Variants in CTNNA3 observed in about 807,000 individuals in gnomAD.
The protein encoded by CTNNA3 is catenin alpha 3.
Under a neutral mutation model 95.7 loss-of-function variants are expected in CTNNA3, and 76 were observed. The observed-to-expected ratio is 0.79, with a 90% CI of 0.66 to 0.96. The LOEUF (loss-of-function observed/expected upper bound fraction) is 0.96, where lower values mean the gene tolerates loss of function less well. Among genes scored for constraint, CTNNA3 ranks in the 40% least tolerant of loss-of-function variants. The pLI, the probability that CTNNA3 is intolerant of heterozygous loss-of-function variation, is 0.00. For synonymous variants in CTNNA3, 431 were observed against 374.4 expected, an observed-to-expected ratio of 1.15 and a Z score of -1.74; for missense variants, 1,191 against 1,089.8, an observed-to-expected ratio of 1.09 and a Z score of -1.31.
intron 17 of CTNNA3, among the ~76,000 whole-genome samples, chr10:65,959,133 A>C (rs1470028266): frequency 6.6e-6 from 1 of 152,178 alleles, no homozygotes; most frequent in East Asian, 1.9e-4. Context: ...CTTGCAGTTC[A>C]ATCTCAGACT....
intron 9 of CTNNA3, among the ~76,000 whole-genome samples, chr10:66,710,476 T>C (rs1226667300): frequency 7.2e-5 from 11 of 151,980 alleles, no homozygotes; most frequent in Admixed American, 7.2e-4. Flanking sequence ...ACTGCTAGAA[T>C]GATGGAATGG....
rs577817028 is a variant in CTNNA3, at chr10:66,580,114, C to T, written c.1374+41578G>A. ...TCAATGGACTGGTTCTTTTCTCTGT[C>T]TCCTCTGTTCAGCTATTGAGCCCAT... On this transcript the variant is annotated intron_variant, in intron 10 of 17. Coordinates refer to ENST00000433211, the MANE Select transcript of CTNNA3 (RefSeq NM_013266.4). 1.9e-4 allele frequency among the ~76,000 whole-genome samples: 29 copies of T among 151,650 alleles called. No individual in the cohort carries two copies. In the East Asian group the frequency reaches 2.3e-3, roughly 12 times the overall value.
chr10:65,969,646 A>C (rs1221370470), intron 16 of CTNNA3, among the ~76,000 whole-genome samples: 1 of 152,178 alleles, frequency 6.6e-6, no homozygotes, highest in Non-Finnish European at 1.5e-5. Context: ...TTCACCAATA[A>C]ACTGGACTAA....
intron 12 of CTNNA3, among the ~76,000 whole-genome samples, chr10:66,338,882 G>T (rs182433585): frequency 6.6e-6 from 1 of 151,658 alleles, no homozygotes; most frequent in African/African-American, 2.4e-5. Flanking sequence ...AAAATGTTAC[G>T]CATGAAATAA....
intron 13 of CTNNA3, among the ~76,000 whole-genome samples, chr10:66,181,658 C>T (rs993133580): frequency 2.0e-5 from 3 of 152,136 alleles, no homozygotes; most frequent in Admixed American, 6.5e-5. Context: ...TGGCTAAGTA[C>T]ACTGAACACA....
In CTNNA3 at chr10:66,379,314, C is replaced by T. The variant is rs754275515; in HGVS notation, c.1570G>A (p.Ala524Thr). Residue 524 changes from alanine (A) to threonine (T), a missense_variant, in exon 12 of 18, where the codon GCC (alanine) becomes ACC (threonine). Transcript: ENST00000433211. ...ILEDVNKCII[A>T]LRDQDADNLD... ...TTATCAGCATCCTGGTCTCTTAAGGCTATGATACACTTGTTGACATCTTCC... is the reference window on the plus strand; with the variant it reads ...TTATCAGCATCCTGGTCTCTTAAGGTTATGATACACTTGTTGACATCTTCC... The T allele has an allele frequency of 1.9e-6, 3 of 1,613,970 alleles. No individual in the cohort carries two copies. Among genetic ancestry groups the T allele is most frequent in the Admixed American group, 3.3e-5 (2 of 59,988 alleles).
rs533383490 is a variant in CTNNA3 at position 67,640,444 on chromosome 10, T to G, written c.99+6971A>C. On this transcript the variant is annotated intron_variant, in intron 2 of 17. Transcript: ENST00000433211. ...GCCATACTGCCCAAGGTAATTTATA[T>G]ATTCAATGCCATCCCCATCAAGCTA... is the stretch of plus-strand genomic sequence containing the variant. Among the ~76,000 whole-genome samples, 271 of 152,178 alleles carry G rather than the reference T, an allele frequency of 1.8e-3. 1 individual carries two copies. The highest frequency in any genetic ancestry group is 5.4e-3 in the African/African-American group (223 of 41,540).
In CTNNA3 at chr10:66,379,370, A is replaced by G; in HGVS notation, c.1532-18T>C. On this transcript the variant is annotated intron_variant, in intron 11 of 17. Transcript: ENST00000433211. ...ATGGCTTTCTGTAAGTAAATGAATC[A>G]AATTAGTTTTTGCGTGTGTCTGTGT... 6.2e-7 allele frequency: 1 copy of G among 1,605,722 alleles called. No homozygotes were observed. The highest frequency in any genetic ancestry group is 8.5e-7 in the Non-Finnish European group (1 of 1,172,450).
At chr10:66,993,124 T>C (rs1422923654) in intron 7 of CTNNA3, among the ~76,000 whole-genome samples, 3 of 152,184 alleles carry the variant, frequency 2.0e-5, no homozygotes, top group Non-Finnish European at 2.9e-5. Flanking sequence ...CTCATTCGCA[T>C]GGTTGACTAC....
intron 9 of CTNNA3, among the ~76,000 whole-genome samples, chr10:66,663,219 TCCC>T (rs1415364656): frequency 2.0e-5 from 3 of 152,024 alleles, no homozygotes; most frequent in Admixed American, 1.3e-4. Context: ...CTCTAATGAT[TCCC>T]CCTTTTTTCA....
intron 13 of CTNNA3, among the ~76,000 whole-genome samples, chr10:66,229,900 T>C (rs2089504147): frequency 6.6e-6 from 1 of 152,106 alleles, no homozygotes; most frequent in South Asian, 2.1e-4. Context: ...TAGAGTTTCT[T>C]CATTCTTTTT....
intron 7 of CTNNA3, among the ~76,000 whole-genome samples, chr10:66,799,106 G>A (rs1431625980): frequency 6.6e-6 from 1 of 151,684 alleles, no homozygotes; most frequent in East Asian, 1.9e-4. Context: ...TGATCTGCCA[G>A]TGACTTAATT....
intron 13 of CTNNA3, among the ~76,000 whole-genome samples, chr10:66,207,587 T>C (rs2087843797): frequency 6.6e-6 from 1 of 152,044 alleles, no homozygotes; most frequent in Non-Finnish European, 1.5e-5. Context: ...TCTAGACATG[T>C]CATCAATTTA....
chr10:66,182,014 A>C (rs1334961796), intron 13 of CTNNA3, among the ~76,000 whole-genome samples: 1 of 152,144 alleles, frequency 6.6e-6, no homozygotes, highest in Non-Finnish European at 1.5e-5. Context: ...GTTGTGTAAA[A>C]ATGTCCTATG....
At chr10:67,249,444 A>G (rs139738648) in intron 5 of CTNNA3, among the ~76,000 whole-genome samples, 425 of 152,314 alleles carry the variant, frequency 2.8e-3, no homozygotes, top group Non-Finnish European at 4.0e-3. Context: ...TCATCTCTAG[A>G]TTATAGTAAA....
At chr10:66,446,865 G>A (rs2093426018) in intron 11 of CTNNA3, among the ~76,000 whole-genome samples, 1 of 151,900 alleles carries the variant, frequency 6.6e-6, no homozygotes, top group Non-Finnish European at 1.5e-5. Context: ...TATTCAATTA[G>A]GAAAAGAGGA....
At chr10:66,108,885 A>G (rs993467485) in intron 13 of CTNNA3, among the ~76,000 whole-genome samples, 8 of 152,202 alleles carry the variant, frequency 5.3e-5, no homozygotes, top group African/African-American at 1.9e-4. Flanking sequence ...TATTGAATCA[A>G]TAATTCCTTG....
rs1309159206 is a variant in CTNNA3 at position 66,336,716 on chromosome 10, C to A, written c.1732+42436G>T. Among the ~76,000 whole-genome samples the A allele has an allele frequency of 3.3e-5, 5 of 152,000 alleles. No homozygotes were observed. The South Asian group carries it at 1.0e-3, about 32-fold the overall frequency. On this transcript the variant is annotated intron_variant, in intron 12 of 17. Coordinates refer to ENST00000433211, the MANE Select transcript of CTNNA3 (RefSeq NM_013266.4). Reference sequence around the variant, plus strand: ...CAATAATTTTTTTCAAAATTAAGTCCAAAATCATTCACACTGAATATAGTG... The same window carrying A: ...CAATAATTTTTTTCAAAATTAAGTCAAAAATCATTCACACTGAATATAGTG...
At chr10:65,970,657 A>T (rs967273379) in intron 16 of CTNNA3, among the ~76,000 whole-genome samples, 1 of 148,488 alleles carries the variant, frequency 6.7e-6, no homozygotes, top group Non-Finnish European at 1.5e-5. Flanking sequence ...ACTTTAAAAT[A>T]TATTTAAAAT....
Sources: allele counts gnomAD v4.1 joint callset (sites outside exome capture counted in the v4.1 genomes callset), GRCh38; gene constraint gnomAD v4.1.1; transcripts MANE v1.5; gene names NCBI Gene and HGNC (gene_info 2026-07-23, HGNC 2026-07-21).